The following EIF4E3 variants were observed in gnomAD, a reference collection of about 807,000 sequenced individuals.
EIF4E3 encodes the protein eukaryotic translation initiation factor 4E family member 3, also known as eukaryotic translation initiation factor 4E type 3.
In EIF4E3, 26 loss-of-function variants were observed where a neutral mutation model predicts 31.7. The observed-to-expected ratio is 0.82, with a 90% CI of 0.60 to 1.14. EIF4E3 has a LOEUF of 1.14. Ranked by LOEUF, EIF4E3 falls within the 50% of genes most tolerant of loss-of-function variation. EIF4E3 has a pLI of 0.00. For synonymous variants in EIF4E3, 128 were observed against 107.7 expected (o/e 1.19, Z -1.17); for missense variants, 304 against 270.9 (o/e 1.12, Z -0.86).
chr3:71,743,969 TA>T (rs1372687701), intron 1 of EIF4E3, among the ~76,000 whole-genome samples: 3 of 151,994 alleles, frequency 2.0e-5, no homozygotes, highest in Non-Finnish European at 4.4e-5. Context: ...AAACTAACTG[TA>T]AAAAACCTAA....
chr3:71,689,494 G>A (rs547244565), intron 6 of EIF4E3, among the ~76,000 whole-genome samples: 2 of 152,308 alleles, frequency 1.3e-5, no homozygotes, highest in Non-Finnish European at 2.9e-5. Context: ...ACCACTAGGC[G>A]TGAATTCTCC....
At chr3:71,728,631 C>A (rs2049667794), upstream of EIF4E3, 1 of 152,730 alleles carries the variant, frequency 6.5e-6, no homozygotes, top group African/African-American at 2.4e-5. Flanking sequence ...CCCCTAGCAA[C>A]AAAAACAACA....
upstream of EIF4E3, among the ~76,000 whole-genome samples, chr3:71,726,862 T>A (rs2049645575): frequency 6.6e-6 from 1 of 152,234 alleles, no homozygotes; most frequent in Non-Finnish European, 1.5e-5. Flanking sequence ...TTAGATGCAT[T>A]TATCTTGTTG....
At chr3:71,728,983 C>G (rs1320586478), upstream of EIF4E3, 2 of 152,360 alleles carry the variant, frequency 1.3e-5, no homozygotes, top group Non-Finnish European at 1.5e-5. Context: ...CTCAGGGAGG[C>G]TGCAGATGGA....
chr3:71,732,058 A>G (rs2049712382), intron 1 of EIF4E3, among the ~76,000 whole-genome samples: 1 of 152,142 alleles, frequency 6.6e-6, no homozygotes, highest in Non-Finnish European at 1.5e-5. Flanking sequence ...TGAGCTCCCG[A>G]AGACAGGCCT....
the EIF4E3 span, among the ~76,000 whole-genome samples, chr3:71,666,406 T>C: frequency 6.6e-6 from 1 of 152,164 alleles, no homozygotes; most frequent in Non-Finnish European, 1.5e-5. Flanking sequence ...AGAAGTCGAA[T>C]ACCTGAACAG....
intron 6 of EIF4E3, 149 bp from the exon 7 acceptor site, chr3:71,684,877 G>C (rs2048970921): frequency 1.4e-6 from 1 of 733,588 alleles, no homozygotes; most frequent in Admixed American, 2.9e-5. Flanking sequence ...TTTTTTGCCA[G>C]TAACTGTTAG....
chr3:71,712,515 T>G (rs962968811), intron 1 of EIF4E3, among the ~76,000 whole-genome samples: 7 of 151,912 alleles, frequency 4.6e-5, no homozygotes, highest in Admixed American at 4.6e-4. Flanking sequence ...AAAATATGAC[T>G]TTTCTTCCTT....
rs530326019 is a variant in EIF4E3, at chr3:71,747,334, A to G, written c.-291+6129T>C. Among the ~76,000 whole-genome samples, 8 of 152,340 alleles carry G rather than the reference A, an allele frequency of 5.3e-5. No homozygotes were observed. In the South Asian group the frequency reaches 1.2e-3, roughly 24 times the overall value. ...GATAATAGCCACTATAGTAGATATGAAGTGGTATCTCAGATGGTTTGAATT... is the reference window on the plus strand; with the variant it reads ...GATAATAGCCACTATAGTAGATATGGAGTGGTATCTCAGATGGTTTGAATT... On this transcript the variant is annotated intron_variant, in intron 1 of 7. Coordinates refer to the EIF4E3 transcript ENST00000295612.
At chr3:71,660,970 A>T in the EIF4E3 span, among the ~76,000 whole-genome samples, 13 of 151,968 alleles carry the variant, frequency 8.6e-5, no homozygotes, top group Non-Finnish European at 1.9e-4. Flanking sequence ...CCCCAACACC[A>T]TCCTTCCACC....
At chr3:71,754,121 G>T (rs1318197342), upstream of EIF4E3, 1 of 1,428,926 alleles carries the variant, frequency 7.0e-7, no homozygotes, top group South Asian at 1.3e-5. This position sits in a 1 kb window ranked among gnomAD's most constrained non-coding sequence, Gnocchi z 5.8. Context: ...AGCTGGCCAC[G>T]CTCAGCCTGC....
intron 4 of EIF4E3, 112 bp downstream of exon 4, chr3:71,696,348 T>A: frequency 8.9e-7 from 1 of 1,124,870 alleles, no homozygotes. Context: ...ACCCCCAGCC[T>A]GTTTGGGGAC....
At chr3:71,737,534 A>G (rs538527570) in intron 1 of EIF4E3, among the ~76,000 whole-genome samples, 5 of 148,956 alleles carry the variant, frequency 3.4e-5, no homozygotes, top group East Asian at 3.9e-4. Flanking sequence ...ATGAACTCCA[A>G]TCACAAAAAA....
At chr3:71,749,346 T>C (rs1486208772) in intron 1 of EIF4E3, among the ~76,000 whole-genome samples, 1 of 152,240 alleles carries the variant, frequency 6.6e-6, no homozygotes, top group Admixed American at 6.5e-5. Context: ...CCACTTTCAT[T>C]GTCAAAGTTA....
intron 1 of EIF4E3, among the ~76,000 whole-genome samples, chr3:71,732,179 A>T (rs2049713355): frequency 1.3e-5 from 2 of 152,100 alleles, no homozygotes; most frequent in African/African-American, 4.8e-5. Context: ...TGGTAAACAC[A>T]CCATATGTAC....
At chr3:71,754,694 G>A (rs1325267630), upstream of EIF4E3, 1 of 1,493,894 alleles carries the variant, frequency 6.7e-7, no homozygotes, top group East Asian at 3.0e-5. The surrounding 1 kb of genome is among the most constrained non-coding windows in gnomAD (Gnocchi z 5.8). Context: ...GCAAGATGCG[G>A]CCCGCGCGCC....
intron 1 of EIF4E3, among the ~76,000 whole-genome samples, chr3:71,722,406 C>T (rs1434265870): frequency 2.0e-5 from 3 of 152,174 alleles, no homozygotes; most frequent in Non-Finnish European, 4.4e-5. Flanking sequence ...AAGAAGAGGC[C>T]TGAGGCCTGA....
At chr3:71,700,092 T>C (rs1300783525) in intron 2 of EIF4E3, among the ~76,000 whole-genome samples, 1 of 152,282 alleles carries the variant, frequency 6.6e-6, no homozygotes, top group Non-Finnish European at 1.5e-5. Context: ...GAGAATAGCT[T>C]GAGCCTGGGA....
At position 71,677,593 on chromosome 3, in the gene EIF4E3, T is replaced by C. The variant is rs1044864407; in HGVS notation, c.*7089A>G. ...ATGCAAATATGAGAGGGAAACATTA[T>C]GAAATTTTAAAGCCTTCCTAGTGTT... On this transcript the variant is annotated 3_prime_UTR_variant, in exon 7 of 7. Coordinates refer to ENST00000425534, the MANE Select transcript of EIF4E3 (RefSeq NM_001134651.2). 1.3e-5 allele frequency: 2 copies of C among 152,188 alleles called. No individual in the cohort carries two copies. The highest frequency in any genetic ancestry group is 4.8e-5 in the African/African-American group (2 of 41,444). 9.4% of individuals were successfully genotyped at this position (152,188 alleles called of 1,614,324 possible).
Sources: allele counts gnomAD v4.1 joint callset (sites outside exome capture counted in the v4.1 genomes callset), GRCh38; gene constraint gnomAD v4.1.1; non-coding constraint Gnocchi (gnomAD v3.1); transcripts MANE v1.5; gene names NCBI Gene and HGNC (gene_info 2026-07-23, HGNC 2026-07-21).